Variants in CCDC180 observed in about 807,000 individuals in gnomAD.
CCDC180 encodes the protein coiled-coil domain-containing protein 180.
Under a neutral mutation model 209.2 loss-of-function variants are expected in CCDC180, and 154 were observed. The ratio of observed to expected loss-of-function variants is 0.74; its 90% confidence interval spans 0.65 to 0.84. CCDC180 has a LOEUF of 0.84. Among genes scored for constraint, CCDC180 ranks in the 40% least tolerant of loss-of-function variants. CCDC180 has a pLI of 0.00. For missense variants in CCDC180, 1,874 were observed against 1,997.3 expected, an observed-to-expected ratio of 0.94 and a Z score of 1.18; for synonymous variants, 778 against 749.1, an observed-to-expected ratio of 1.04 and a Z score of -0.63.
chr9:97,358,508 C>T (rs1051013396), intron 25 of CCDC180, among the ~76,000 whole-genome samples: 3 of 152,072 alleles, frequency 2.0e-5, no homozygotes, highest in Non-Finnish European at 2.9e-5. Context: ...TTGTGGAGAG[C>T]GTGGTTCCAA....
intron 36 of CCDC180, chr9:97,376,363 G>A: frequency 6.2e-6 from 1 of 161,718 alleles, no homozygotes; most frequent in Non-Finnish European, 1.4e-5. Flanking sequence ...CCAGGCAGAG[G>A]GTGCAGTTCG....
At chr9:97,354,154 C>T (rs756371027) in intron 22 of CCDC180, among the ~76,000 whole-genome samples, 8 of 151,990 alleles carry the variant, frequency 5.3e-5, no homozygotes, top group Non-Finnish European at 1.2e-4. Flanking sequence ...CATGCCACCA[C>T]ACCTGGCTAA....
intron 31 of CCDC180, among the ~76,000 whole-genome samples, chr9:97,367,249 A>C (rs1221589103): frequency 6.6e-6 from 1 of 152,154 alleles, no homozygotes; most frequent in Non-Finnish European, 1.5e-5. Context: ...CATGTTGTAG[A>C]TGGTGCCAGT....
chr9:97,358,291 T>G (rs944312404), intron 25 of CCDC180, among the ~76,000 whole-genome samples: 3 of 151,976 alleles, frequency 2.0e-5, no homozygotes, highest in Non-Finnish European at 4.4e-5. Context: ...CGGCTAATTT[T>G]TGTATTTTTA....
At chr9:97,362,929 G>A (rs1007254334) in intron 28 of CCDC180, among the ~76,000 whole-genome samples, 1 of 152,208 alleles carries the variant, frequency 6.6e-6, no homozygotes, top group Non-Finnish European at 1.5e-5. Context: ...CCCTCCAGAA[G>A]GTCTTTTTGA....
intron 4 of CCDC180, among the ~76,000 whole-genome samples, 157 bp from the exon 5 acceptor site, chr9:97,313,079 G>C (rs1833044124): frequency 6.6e-6 from 1 of 152,020 alleles, no homozygotes; most frequent in South Asian, 2.1e-4. Flanking sequence ...ATGAATCACT[G>C]TCATCTTTTC....
intron 8 of CCDC180, among the ~76,000 whole-genome samples, chr9:97,315,275 G>C (rs553396464): frequency 6.6e-6 from 1 of 152,304 alleles, no homozygotes; most frequent in South Asian, 2.1e-4. Context: ...GCAACTGTGT[G>C]CAATGCAATA....
At chr9:97,310,867 C>A (rs977910426) in intron 3 of CCDC180, among the ~76,000 whole-genome samples, 1 of 152,198 alleles carries the variant, frequency 6.6e-6, no homozygotes, top group African/African-American at 2.4e-5. Flanking sequence ...GCCCATATCA[C>A]CCTGCCTGAT....
Position 97,314,694 on chromosome 9 carries a change from C to A in CCDC180, c.665C>A (p.Ala222Asp). 6.2e-7 allele frequency: 1 copy of A among 1,614,024 alleles called. No individual in the cohort carries two copies. The highest frequency in any genetic ancestry group is 1.1e-5 in the South Asian group (1 of 91,078). ...RKQEIKELDE[A>D]LHSLEFSRTD... Reference sequence around the variant, plus strand: ...CAGGAGATTAAGGAGCTGGATGAGGCCCTGCACTCGCTGGAGTTCTCCCGA... The same window carrying A: ...CAGGAGATTAAGGAGCTGGATGAGGACCTGCACTCGCTGGAGTTCTCCCGA... The change falls in exon 7 of 37, where the codon GCC becomes GAC. Residue 222 changes from alanine to aspartate, a missense_variant. Transcript: ENST00000529487.
At chr9:97,354,836 G>T (rs1395900481) in intron 23 of CCDC180, 56 bp from the exon 24 acceptor site, 8 of 1,559,892 alleles carry the variant, frequency 5.1e-6, no homozygotes, top group Non-Finnish European at 6.2e-6. Context: ...TCCTCCTTCA[G>T]AGTCCAAAAG....
At chr9:97,339,905 A>T (rs932160496) in intron 18 of CCDC180, among the ~76,000 whole-genome samples, 21 of 152,074 alleles carry the variant, frequency 1.4e-4, no homozygotes, top group African/African-American at 4.6e-4. Context: ...CATTTCATTA[A>T]TTTGACCTTC....
At chr9:97,310,661 T>C (rs1460642651) in intron 3 of CCDC180, among the ~76,000 whole-genome samples, 1 of 152,186 alleles carries the variant, frequency 6.6e-6, no homozygotes, top group African/African-American at 2.4e-5. Context: ...CTCCGCTGCC[T>C]GTCTTGGTTG....
At chr9:97,332,016 T>C (rs556966789) in intron 18 of CCDC180, among the ~76,000 whole-genome samples, 5 of 152,266 alleles carry the variant, frequency 3.3e-5, no homozygotes, top group African/African-American at 1.2e-4. Flanking sequence ...TCTTCCAGGG[T>C]TTTTATAGTT....
At chr9:97,324,022 C>A in intron 13 of CCDC180, 119 bp downstream of exon 13, 2 of 1,205,380 alleles carry the variant, frequency 1.7e-6, no homozygotes, top group South Asian at 1.5e-5. Context: ...TGTCCGCTCA[C>A]CCTTGTCAGC....
intron 14 of CCDC180, among the ~76,000 whole-genome samples, chr9:97,325,466 G>T (rs531761267): frequency 1.2e-4 from 19 of 152,238 alleles, no homozygotes; most frequent in African/African-American, 2.4e-4. Flanking sequence ...CATTGAAAGA[G>T]AATTTTTTCA....
At chr9:97,339,875 C>G (rs1325156533) in intron 18 of CCDC180, among the ~76,000 whole-genome samples, 1 of 152,070 alleles carries the variant, frequency 6.6e-6, no homozygotes, top group African/African-American at 2.4e-5. Flanking sequence ...TCTTTTTTCT[C>G]TAAACTTCTC....
intron 18 of CCDC180, among the ~76,000 whole-genome samples, chr9:97,339,469 A>G (rs899239621): frequency 2.0e-5 from 3 of 152,058 alleles, no homozygotes; most frequent in African/African-American, 7.3e-5. Flanking sequence ...TTTCTTTAAG[A>G]ATATTGAATA....
intron 12 of CCDC180, 149 bp from the exon 13 acceptor site, chr9:97,323,632 A>G: frequency 1.0e-6 from 1 of 976,382 alleles, no homozygotes. Flanking sequence ...GGCCCTCCAG[A>G]CCCTAAGGGG....
intron 12 of CCDC180, 121 bp from the exon 13 acceptor site, chr9:97,323,660 G>T: frequency 1.7e-6 from 2 of 1,207,338 alleles, no homozygotes; most frequent in Non-Finnish European, 2.3e-6. Flanking sequence ...TTCATGGGGT[G>T]CAGGGCCCTT....
Sources: gnomAD v4.1 joint callset for allele counts (sites outside exome capture counted in the v4.1 genomes callset) on GRCh38, gnomAD v4.1.1 for gene constraint, MANE v1.5 for transcripts, NCBI Gene and HGNC (gene_info 2026-07-23, HGNC 2026-07-21) for gene names.